Variants in ARHGAP10 observed in about 807,000 individuals in gnomAD.
ARHGAP10 encodes rho GTPase-activating protein 10.
A neutral mutation model predicts 108.6 loss-of-function variants in ARHGAP10; 87 were observed. That is an observed-to-expected ratio of 0.80 (90% CI 0.67 to 0.96). The LOEUF (loss-of-function observed/expected upper bound fraction) is 0.96, where lower values mean the gene tolerates loss of function less well. ARHGAP10 is among the 40% of genes least tolerant of loss of function. ARHGAP10 has a pLI of 0.00. For missense variants in ARHGAP10, 939 were observed against 954.5 expected, an observed-to-expected ratio of 0.98 and a Z score of 0.21; for synonymous variants, 347 against 341.1, an observed-to-expected ratio of 1.02 and a Z score of -0.19.
At chr4:147,762,906 C>T (rs373829021) in intron 1 of ARHGAP10, among the ~76,000 whole-genome samples, 125 of 151,984 alleles carry the variant, frequency 8.2e-4, no homozygotes, top group African/African-American at 2.7e-3. Context: ...GAACATCTGT[C>T]GCCCTTATCT....
chr4:148,040,195 G>A (rs1728570562), intron 19 of ARHGAP10, among the ~76,000 whole-genome samples: 1 of 152,178 alleles, frequency 6.6e-6, no homozygotes, highest in African/African-American at 2.4e-5. Flanking sequence ...CCAGGCAAGT[G>A]GGGAACTTGG....
chr4:147,894,090 T>C (rs1403102631), intron 10 of ARHGAP10, among the ~76,000 whole-genome samples: 1 of 151,980 alleles, frequency 6.6e-6, no homozygotes, highest in African/African-American at 2.4e-5. Flanking sequence ...AAAAGTTTTC[T>C]ACAAGAGTTT....
At chr4:147,881,800 C>T (rs2126872449) in intron 9 of ARHGAP10, 38 bp from the exon 10 acceptor site, 3 of 1,595,800 alleles carry the variant, frequency 1.9e-6, no homozygotes, top group South Asian at 1.1e-5. Flanking sequence ...TATACTTATC[C>T]TGTAGGTTTT....
At chr4:148,029,003 A>G (rs761548384) in intron 19 of ARHGAP10, among the ~76,000 whole-genome samples, 6 of 152,252 alleles carry the variant, frequency 3.9e-5, no homozygotes, top group Non-Finnish European at 8.8e-5. Context: ...GGAAGGAAAC[A>G]TGCCATTTTG....
intron 20 of ARHGAP10, among the ~76,000 whole-genome samples, chr4:148,059,260 A>G (rs1729496118): frequency 6.6e-6 from 1 of 152,146 alleles, no homozygotes; most frequent in South Asian, 2.1e-4. Context: ...GTCTTGGTAA[A>G]CGTGGTTTCT....
At position 148,043,825 on chromosome 4, in the gene ARHGAP10, A is replaced by G. The variant is rs371511251; in HGVS notation, c.1868-3067A>G. ...GCATTCATTCCAGAAGTTGTTGAAC[A>G]TAGAATATTTTTTAAGTTTTATTAT... On this transcript the variant is annotated intron_variant, in intron 19 of 22. Coordinates refer to ENST00000336498, the MANE Select transcript of ARHGAP10 (RefSeq NM_024605.4). Among the ~76,000 whole-genome samples, 49 of 147,788 alleles carry G rather than the reference A, an allele frequency of 3.3e-4. 1 individual carries two copies. In the South Asian group the frequency reaches 0.01, roughly 31 times the overall value.
intron 3 of ARHGAP10, among the ~76,000 whole-genome samples, chr4:147,839,565 T>C (rs1420226250): frequency 1.3e-5 from 2 of 152,246 alleles, no homozygotes; most frequent in African/African-American, 4.8e-5. Flanking sequence ...CTAAAGATAC[T>C]ATAGGATGTA....
At chr4:147,928,915 A>G (rs1481763854) in intron 13 of ARHGAP10, among the ~76,000 whole-genome samples, 1 of 152,196 alleles carries the variant, frequency 6.6e-6, no homozygotes, top group Non-Finnish European at 1.5e-5. Context: ...ACAGCAACCC[A>G]GTTCCCATCA....
intron 22 of ARHGAP10, 72 bp from the exon 23 acceptor site, chr4:148,071,921 C>A: frequency 7.3e-7 from 1 of 1,361,656 alleles, no homozygotes; most frequent in East Asian, 2.3e-5. Context: ...CCTGCTTGAG[C>A]TTTTAAGTGA....
intron 18 of ARHGAP10, among the ~76,000 whole-genome samples, chr4:148,005,121 A>G (rs1439469442): frequency 6.6e-6 from 1 of 152,192 alleles, no homozygotes; most frequent in African/African-American, 2.4e-5. Flanking sequence ...CCTATTTGGT[A>G]TTCCTGGAAC....
intron 1 of ARHGAP10, among the ~76,000 whole-genome samples, chr4:147,757,368 T>C (rs1306299397): frequency 6.6e-6 from 1 of 152,092 alleles, no homozygotes; most frequent in African/African-American, 2.4e-5. Flanking sequence ...TAATTTCTTT[T>C]GTATTTTAGT....
chr4:147,775,827 A>C (rs944330596), intron 1 of ARHGAP10, among the ~76,000 whole-genome samples: 2 of 152,200 alleles, frequency 1.3e-5, no homozygotes, highest in Non-Finnish European at 2.9e-5. Context: ...GATGATGATA[A>C]TAATATCACT....
intron 1 of ARHGAP10, among the ~76,000 whole-genome samples, chr4:147,797,848 G>A (rs1203286920): frequency 6.6e-6 from 1 of 152,062 alleles, no homozygotes. Context: ...GTTCCCTGAG[G>A]GTCTGTACAG....
rs1729697550 is a variant in ARHGAP10 at position 148,063,171 on chromosome 4, T to C, written c.2051T>C (p.Met684Thr). 1.2e-6 allele frequency: 2 copies of C among 1,614,212 alleles called. No individual in the cohort carries two copies. Among genetic ancestry groups the C allele is most frequent in the Non-Finnish European group, 1.7e-6 (2 of 1,180,036 alleles). Residue 684 changes from methionine to threonine, a missense_variant, in exon 21 of 23, where the codon ATG becomes ACG. By Grantham distance (81) the Met-to-Thr change is moderately conservative (BLOSUM62 -1). Coordinates refer to ENST00000336498, the MANE Select transcript of ARHGAP10 (RefSeq NM_024605.4). ...AGCCCAGGCCAGACCCGATCGTCTATGGTCCAGTGGCTTAACCCACAGTCT... is the reference window on the plus strand; with the variant it reads ...AGCCCAGGCCAGACCCGATCGTCTACGGTCCAGTGGCTTAACCCACAGTCT... The part of the protein sequence containing the change: ...STIPGQTRSS[M>T]VQWLNPQSPT...
At chr4:147,961,870 G>T (rs1418647352) in intron 16 of ARHGAP10, among the ~76,000 whole-genome samples, 1 of 152,022 alleles carries the variant, frequency 6.6e-6, no homozygotes, top group Non-Finnish European at 1.5e-5. Flanking sequence ...GTACCTCCCT[G>T]GTCCTCCCAC....
intron 17 of ARHGAP10, among the ~76,000 whole-genome samples, chr4:147,966,463 T>C (rs979263385): frequency 6.6e-6 from 1 of 152,212 alleles, no homozygotes; most frequent in Non-Finnish European, 1.5e-5. Context: ...AAAGCCATTG[T>C]GGTTAGACTA....
rs536088589 is a variant in ARHGAP10, at chr4:147,849,236, C to CT, written c.384+2030dup. 2.6e-3 allele frequency among the ~76,000 whole-genome samples: 362 copies of CT among 138,102 alleles called. 2 individuals are homozygous for CT. The highest frequency in any genetic ancestry group is 4.9e-3 in the East Asian group (23 of 4,716). 90.6% of individuals were successfully genotyped at this position (138,102 alleles called of 152,430 possible). A position where few individuals can be genotyped will look rare whatever the true frequency, so the allele number is the denominator to read the frequency against. ...GTTGTTAAATCTTTAAAAGACTCTG[C>CT]TTTTTTTTTTTTTTTTAAATTCTCT... On this transcript the variant is annotated intron_variant, in intron 4 of 22. Coordinates refer to ENST00000336498, the MANE Select transcript of ARHGAP10 (RefSeq NM_024605.4).
At chr4:147,770,556 A>G (rs561271016) in intron 1 of ARHGAP10, among the ~76,000 whole-genome samples, 4 of 152,262 alleles carry the variant, frequency 2.6e-5, no homozygotes, top group Admixed American at 2.0e-4. Flanking sequence ...ACATTGTTTT[A>G]TGGCTATATC....
intron 22 of ARHGAP10, among the ~76,000 whole-genome samples, chr4:148,066,220 A>G (rs896200064): frequency 6.6e-6 from 1 of 152,178 alleles, no homozygotes; most frequent in East Asian, 1.9e-4. Flanking sequence ...GAGGTGTCTC[A>G]TCCTTGTGTT....
Sources: gnomAD v4.1 joint callset for allele counts (sites outside exome capture counted in the v4.1 genomes callset) on GRCh38, gnomAD v4.1.1 for gene constraint, MANE v1.5 for transcripts, NCBI Gene and HGNC (gene_info 2026-07-23, HGNC 2026-07-21) for gene names.